Variants in MSH6 observed in about 807,000 individuals in gnomAD.
MSH6 encodes the protein mutS homolog 6, also known as DNA mismatch repair protein Msh6.
MSH6 carries 85 observed loss-of-function variants against 119.1 expected under a neutral mutation model. The ratio of observed to expected loss-of-function variants is 0.71; its 90% CI spans 0.60 to 0.85. The LOEUF is 0.85. Ranked by LOEUF, MSH6 falls within the 40% of genes least tolerant of loss-of-function variation. MSH6 has a pLI of 0.00. For synonymous variants in MSH6, 830 were observed against 586.9 expected (o/e 1.41, Z -5.99); for missense variants, 2,163 against 1,655.3 (o/e 1.31, Z -5.32).
In MSH6 at chr2:47,806,893, T is replaced by C. The variant is rs568272054; in HGVS notation, c.*33T>C. ...ACATTGGAAGCTTTGAGTTGACTTC[T>C]GACAAAGGTGGTAAATTCAGACAAC... On this transcript the variant is annotated 3_prime_UTR_variant, in exon 10 of 10. Coordinates refer to ENST00000234420, the MANE Select transcript of MSH6 (RefSeq NM_000179.3). 6.8e-7 allele frequency: 1 copy of C among 1,467,736 alleles called. No individual in the cohort carries two copies. The highest frequency in any genetic ancestry group is 2.3e-5 in the East Asian group (1 of 44,152). The allele number at this position is 1,467,736 out of a possible 1,614,324, so 90.9% of individuals were successfully genotyped here. A position where few individuals can be genotyped will look rare whatever the true frequency, so the allele number is the denominator to read the frequency against.
At chr2:47,808,050 T>C, downstream of MSH6, 2 of 1,391,134 alleles carry the variant, frequency 1.4e-6, no homozygotes, top group African/African-American at 1.4e-5. Flanking sequence ...ATATTTTAAA[T>C]CTTCTTCCAA....
At chr2:47,790,815 C>T in intron 1 of MSH6, 112 bp from the exon 2 acceptor site, 1 of 938,474 alleles carries the variant, frequency 1.1e-6, no homozygotes, top group South Asian at 1.4e-5. Context: ...TCTAGAATTT[C>T]TGTGCTTCAA....
chr2:47,788,930 T>TGTTTTTGTTTTTG (rs1558650258), intron 1 of MSH6, among the ~76,000 whole-genome samples: 1 of 92,722 alleles, frequency 1.1e-5, no homozygotes, highest in African/African-American at 5.1e-5. Context: ...TTGTTTTTTT[T>TGTTTTTGTTTTTG]TTTTTTTTTT....
At chr2:47,809,942 A>G (rs149855957), downstream of MSH6, 4,040 of 513,304 alleles carry the variant, frequency 7.9e-3, 32 homozygotes, top group Non-Finnish European at 0.01. Context: ...TAAAGTTTAA[A>G]TACATGATAC....
chr2:47,809,236 A>G, downstream of MSH6: 1 of 1,602,256 alleles, frequency 6.2e-7, no homozygotes, highest in South Asian at 1.1e-5. Flanking sequence ...AGCCTTTTCT[A>G]TGGCATCTTG....
intron 8 of MSH6, 42 bp from the exon 9 acceptor site, chr2:47,806,408 TTC>T (rs1670078600): frequency 6.3e-7 from 1 of 1,592,316 alleles, no homozygotes; most frequent in Non-Finnish European, 8.6e-7. Context: ...GAGAGGGCAC[TTC>T]TCTTGCTAGC....
intron 2 of MSH6, among the ~76,000 whole-genome samples, chr2:47,794,942 G>A (rs1668979347): frequency 1.3e-5 from 2 of 151,998 alleles, no homozygotes; most frequent in African/African-American, 4.8e-5. Context: ...CTACAGGCAT[G>A]TGCCACCACA....
chr2:47,793,319 A>T (rs1017838363), intron 2 of MSH6, among the ~76,000 whole-genome samples: 1,063 of 30,538 alleles, frequency 0.035, 5 homozygotes, highest in Non-Finnish European at 0.041. Context: ...AGACTGTCTC[A>T]AAAAAAAAAA....
chr2:47,808,513 T>C, downstream of MSH6: 1 of 1,262,682 alleles, frequency 7.9e-7, no homozygotes, highest in South Asian at 1.6e-5. Context: ...CTATGACCTT[T>C]GGCTTTAAGA....
rs2104109597 is a variant in MSH6 at position 47,791,079 on chromosome 2, C to T, written c.413C>T (p.Pro138Leu). Residue 138 changes from proline (P) to leucine (L), a missense_variant, in exon 2 of 10, where the codon CCA becomes CTA. Coordinates refer to ENST00000234420, the MANE Select transcript of MSH6 (RefSeq NM_000179.3). ...CATGTACAGTTTTTTGATGACAGCC[C>T]AACAAGGGGCTGGGTTAGCAAAAGG... ...RVHVQFFDDS[P>L]TRGWVSKRLL... The T allele has an allele frequency of 6.2e-7, 1 of 1,614,164 alleles. No homozygotes were observed. The highest frequency in any genetic ancestry group is 8.5e-7 in the Non-Finnish European group (1 of 1,180,036).
intron 1 of MSH6, chr2:47,784,133 C>G (rs1488389796): frequency 1.4e-5 from 14 of 999,154 alleles, no homozygotes; most frequent in Non-Finnish European, 1.7e-5. Context: ...GGGTGGGCCA[C>G]GAGCTGCGAG....
intron 1 of MSH6, among the ~76,000 whole-genome samples, chr2:47,790,578 G>GTA (rs1163591453): frequency 3.9e-5 from 6 of 152,102 alleles, no homozygotes; most frequent in Admixed American, 6.6e-5. Flanking sequence ...ATACCATATT[G>GTA]TATAGGTGCT....
intron 2 of MSH6, 90 bp from the exon 3 acceptor site, chr2:47,795,804 A>T: frequency 9.1e-7 from 1 of 1,095,090 alleles, no homozygotes; most frequent in Non-Finnish European, 1.4e-6. Context: ...GGGGTTTGCT[A>T]TGTTGCCCAG....
rs767021188 is a variant in MSH6, at chr2:47,801,142, T to C, written c.3159T>C (p.Cys1053=). 4.3e-6 allele frequency: 7 copies of C among 1,610,758 alleles called. No individual in the cohort carries two copies. In the African/African-American group the frequency reaches 8.0e-5, roughly 18 times the overall value. Residue 1053 remains cysteine, a synonymous_variant, in exon 4 of 10, where the codon TGT becomes TGC. Coordinates refer to ENST00000234420, the MANE Select transcript of MSH6 (RefSeq NM_000179.3). ...NYKDWQSAVE[C]IAVLDVLLCL... The stretch of plus-strand genomic sequence containing the variant: ...AGGACTGGCAGTCTGCTGTAGAGTG[T>C]ATCGCAGTGTTGGGTAAGACTTTGA...
intron 2 of MSH6, 44 bp downstream of exon 2, chr2:47,791,167 T>C: frequency 6.4e-7 from 1 of 1,556,054 alleles, no homozygotes; most frequent in Non-Finnish European, 8.9e-7. Context: ...TGTGTGTGTG[T>C]GTGTGTGTGA....
chr2:47,794,385 C>T (rs1218383238), intron 2 of MSH6, among the ~76,000 whole-genome samples: 2 of 151,978 alleles, frequency 1.3e-5, no homozygotes, highest in African/African-American at 2.4e-5. Flanking sequence ...GATCCTCCTG[C>T]CTCAGTCTCC....
At position 47,800,858 on chromosome 2, in the gene MSH6, C is replaced by T. The variant is rs751973865; in HGVS notation, c.2875C>T (p.Arg959Cys). The T allele has an allele frequency of 8.7e-6, 14 of 1,613,728 alleles. No individual in the cohort carries two copies. Among genetic ancestry groups the T allele is most frequent in the East Asian group, 2.2e-5 (1 of 44,894 alleles). ...QSLLEYLEKQ[R>C]NRIGCRTIVY... ...CCTCCTGGAATACCTAGAGAAACAG[C>T]GCAACAGAATTGGCTGTAGGACCAT... Residue 959 changes from arginine (R) to cysteine (C), a missense_variant, in exon 4 of 10, where the codon CGC becomes TGC. Coordinates refer to ENST00000234420, the MANE Select transcript of MSH6 (RefSeq NM_000179.3).
chr2:47,802,746 ACTTC>A (rs994011003), intron 4 of MSH6, among the ~76,000 whole-genome samples: 47 of 151,336 alleles, frequency 3.1e-4, no homozygotes, highest in African/African-American at 1.1e-3. Context: ...AGAATAATAT[ACTTC>A]CTTTTAGTGT....
At chr2:47,785,771 T>G (rs888882700) in intron 1 of MSH6, among the ~76,000 whole-genome samples, 1 of 152,238 alleles carries the variant, frequency 6.6e-6, no homozygotes, top group African/African-American at 2.4e-5. Context: ...AATTGATTGT[T>G]GAATCCAAAC....
Sources: allele counts gnomAD v4.1 joint callset (sites outside exome capture counted in the v4.1 genomes callset), GRCh38; gene constraint gnomAD v4.1.1; transcripts MANE v1.5; gene names NCBI Gene and HGNC (gene_info 2026-07-23, HGNC 2026-07-21).